Variants in SNCAIP observed in about 807,000 individuals in gnomAD.
SNCAIP encodes synuclein alpha interacting protein.
In SNCAIP, 43 loss-of-function variants were observed where a neutral mutation model predicts 86.7. The observed-to-expected ratio is 0.50, with a 90% confidence interval of 0.39 to 0.64. The LOEUF is 0.64. Among genes scored for constraint, SNCAIP ranks in the 30% least tolerant of loss-of-function variants. SNCAIP has a pLI of 0.00. For synonymous variants in SNCAIP, 417 were observed against 427.2 expected (o/e 0.98, Z 0.29); for missense variants, 981 against 1,103.1 (o/e 0.89, Z 1.57).
chr5:122,401,118 G>T, intron 2 of SNCAIP: 4 of 1,549,638 alleles, frequency 2.6e-6, no homozygotes, highest in Non-Finnish European at 2.6e-6. Context: ...CCATTGTCCT[G>T]AGAATGAGGT....
chr5:122,396,935 G>A (rs972026316), intron 2 of SNCAIP, among the ~76,000 whole-genome samples: 5 of 151,748 alleles, frequency 3.3e-5, no homozygotes, highest in Non-Finnish European at 7.4e-5. Flanking sequence ...TGATTACTTT[G>A]GCTTCATTTT....
At position 122,463,493 on chromosome 5, in the gene SNCAIP, A is replaced by G. The variant is rs776259316; in HGVS notation, c.2757A>G (p.Ala919=). ...SSASKGKNKA[A] ...CCTGTGGTTTCTCTTCTGCTTAGGCATAATGACATCAATAGAAAAATGAAG... is the reference window on the plus strand; with the variant it reads ...CCTGTGGTTTCTCTTCTGCTTAGGCGTAATGACATCAATAGAAAAATGAAG... Residue 919 remains alanine, a splice_region_variant and synonymous_variant, in exon 11 of 11, where the codon GCA becomes GCG. Transcript: ENST00000261368. 1.3e-6 allele frequency: 2 copies of G among 1,594,622 alleles called. No homozygotes were observed. Among genetic ancestry groups the G allele is most frequent in the Non-Finnish European group, 1.7e-6 (2 of 1,163,258 alleles).
intron 1 of SNCAIP, among the ~76,000 whole-genome samples, chr5:122,379,708 C>T (rs1211614471): frequency 4.0e-5 from 6 of 151,566 alleles, no homozygotes; most frequent in South Asian, 4.2e-4. Flanking sequence ...TTTTGAAATA[C>T]GTCCCATCAA....
Position 122,431,061 on chromosome 5 carries a change from G to A in SNCAIP, c.1183-908G>A, listed in dbSNP as rs922154346. Among the ~76,000 whole-genome samples the A allele has an allele frequency of 1.1e-4, 17 of 152,146 alleles. 1 individual carries two copies. Among genetic ancestry groups the A allele is most frequent in the Non-Finnish European group, 2.2e-4 (15 of 67,986 alleles). ...ATTCTTTGGGGATTGGAAAACAGTT[G>A]TGCATCTTATGAAGTTTAATTGAAG... On this transcript the variant is annotated intron_variant, in intron 5 of 10. Coordinates refer to ENST00000261368, the MANE Select transcript of SNCAIP (RefSeq NM_005460.4).
intron 1 of SNCAIP, chr5:122,369,909 C>G (rs1321210952): frequency 1.3e-5 from 2 of 152,170 alleles, no homozygotes; most frequent in Non-Finnish European, 1.5e-5. Context: ...TTTTCTCTTT[C>G]CAAAAGAGCT....
chr5:122,343,784 G>C (rs956290592), intron 1 of SNCAIP, among the ~76,000 whole-genome samples: 2 of 152,124 alleles, frequency 1.3e-5, no homozygotes, highest in African/African-American at 4.8e-5. Context: ...TTACTCAGTT[G>C]TCATTGCCAA....
rs60009438 is a variant in SNCAIP, at chr5:122,416,869, G to A, written c.131-5999G>A. 3.7e-3 allele frequency among the ~76,000 whole-genome samples: 565 copies of A among 152,304 alleles called. 14 individuals are homozygous for A. The East Asian group carries it at 0.038, about 10-fold the overall frequency. On this transcript the variant is annotated intron_variant, in intron 3 of 10. Coordinates refer to ENST00000261368, the MANE Select transcript of SNCAIP (RefSeq NM_005460.4). ...GAACTTCAAAAGTATGTCCTTGAAGGCGCCTAGGTTTCCAGTAGCTATGGA... is the reference window on the plus strand; with the variant it reads ...GAACTTCAAAAGTATGTCCTTGAAGACGCCTAGGTTTCCAGTAGCTATGGA...
intron 10 of SNCAIP, among the ~76,000 whole-genome samples, chr5:122,455,555 G>T (rs1784574482): frequency 1.3e-5 from 2 of 152,174 alleles, no homozygotes; most frequent in Non-Finnish European, 2.9e-5. Flanking sequence ...TGGAGTTGGG[G>T]CCAAATGTTA....
intron 1 of SNCAIP, among the ~76,000 whole-genome samples, chr5:122,335,818 G>A (rs1399581331): frequency 6.6e-6 from 1 of 152,158 alleles, no homozygotes; most frequent in Non-Finnish European, 1.5e-5. Context: ...ATGAATACAG[G>A]CTGCCCCAGG....
intron 2 of SNCAIP, among the ~76,000 whole-genome samples, chr5:122,403,033 T>G (rs780233921): frequency 1.3e-5 from 2 of 152,194 alleles, no homozygotes; most frequent in Non-Finnish European, 2.9e-5. Flanking sequence ...GCATCACATG[T>G]TGTCCTCATA....
intron 1 of SNCAIP, among the ~76,000 whole-genome samples, chr5:122,344,048 C>T (rs1758112033): frequency 6.6e-6 from 1 of 152,130 alleles, no homozygotes; most frequent in Non-Finnish European, 1.5e-5. Context: ...ATATTACAAC[C>T]CTGTGACTGT....
intron 3 of SNCAIP, among the ~76,000 whole-genome samples, chr5:122,409,204 T>A (rs1773627249): frequency 6.6e-6 from 1 of 152,234 alleles, no homozygotes; most frequent in Admixed American, 6.5e-5. Flanking sequence ...GAATGTTAAT[T>A]CTTCTCTATG....
At chr5:122,358,197 G>A (rs1296828882) in intron 1 of SNCAIP, among the ~76,000 whole-genome samples, 61 of 103,250 alleles carry the variant, frequency 5.9e-4, no homozygotes, top group African/African-American at 2.0e-3. Context: ...GTGTGTGTGT[G>A]TGTGTGTATA....
chr5:122,379,712 C>T (rs1440007717), intron 1 of SNCAIP, among the ~76,000 whole-genome samples: 2 of 151,184 alleles, frequency 1.3e-5, no homozygotes, highest in East Asian at 1.9e-4. Context: ...GAAATACGTC[C>T]CATCAATACC....
intron 3 of SNCAIP, among the ~76,000 whole-genome samples, chr5:122,419,148 G>T (rs958546263): frequency 1.3e-4 from 20 of 152,130 alleles, no homozygotes; most frequent in Non-Finnish European, 1.2e-4. Context: ...TGTAGGCCAC[G>T]ATCACAAGGG....
At chr5:122,324,427 G>A (rs6875070) in intron 1 of SNCAIP, among the ~76,000 whole-genome samples, 7,818 of 152,212 alleles carry the variant, frequency 0.051, 707 homozygotes, top group African/African-American at 0.18. Flanking sequence ...TAGAAAGCCA[G>A]TTGTTGATTT....
At position 122,454,796 on chromosome 5, in the gene SNCAIP, G is replaced by A. The variant is rs576129565; in HGVS notation, c.2754+3195G>A. 7.5e-4 allele frequency among the ~76,000 whole-genome samples: 114 copies of A among 152,290 alleles called. 1 individual carries two copies. Among genetic ancestry groups the A allele is most frequent in the South Asian group, 1.5e-3 (7 of 4,826 alleles). The stretch of plus-strand genomic sequence containing the variant: ...TTCCAGGCTCCTACAGCAACAGGGA[G>A]CAAGACAATTAGTATCACAGTAGAT... On this transcript the variant is annotated intron_variant, in intron 10 of 10. Transcript: ENST00000261368.
chr5:122,449,749 C>T, intron 8 of SNCAIP, 96 bp from the exon 9 acceptor site: 1 of 875,582 alleles, frequency 1.1e-6, no homozygotes, highest in Non-Finnish European at 2.0e-6. Context: ...GTATTTATTG[C>T]AACTTACTGG....
intron 1 of SNCAIP, chr5:122,323,346 C>T (rs904744676): frequency 2.0e-5 from 3 of 152,182 alleles, no homozygotes; most frequent in Admixed American, 6.5e-5. Flanking sequence ...AAATCTTGGG[C>T]ACTGGATGTA....
Sources: allele counts gnomAD v4.1 joint callset (sites outside exome capture counted in the v4.1 genomes callset), GRCh38; gene constraint gnomAD v4.1.1; transcripts MANE v1.5; gene names NCBI Gene and HGNC (gene_info 2026-07-23, HGNC 2026-07-21).